PPP2R2B: variants seen among roughly 807,000 people sequenced by gnomAD.
PPP2R2B encodes serine/threonine-protein phosphatase 2A 55 kDa regulatory subunit B beta isoform.
Under a neutral mutation model 46.0 loss-of-function variants are expected in PPP2R2B, and 5 were observed. The observed-to-expected ratio is 0.11, with a 90% CI of 0.06 to 0.23. The LOEUF (loss-of-function observed/expected upper bound fraction) is 0.23. Among genes scored for constraint, PPP2R2B ranks in the 10% least tolerant of loss-of-function variants. The pLI is 1.00. For missense variants in PPP2R2B, 367 were observed against 575.0 expected (o/e 0.64, Z 3.70); for synonymous variants, 215 against 206.7 (o/e 1.04, Z -0.34).
At chr5:146,770,313 A>T (rs1403141046) in intron 2 of PPP2R2B, among the ~76,000 whole-genome samples, 1 of 138,886 alleles carries the variant, frequency 7.2e-6, no homozygotes, top group African/African-American at 2.6e-5. Flanking sequence ...AGTGGGTGAC[A>T]GAGTGAGATT....
chr5:146,828,877 A>G (rs1270360204), intron 2 of PPP2R2B, among the ~76,000 whole-genome samples: 1 of 152,226 alleles, frequency 6.6e-6, no homozygotes, highest in African/African-American at 2.4e-5. Flanking sequence ...ACCATTATTT[A>G]GTAAAATGAT....
intron 1 of PPP2R2B, among the ~76,000 whole-genome samples, chr5:146,991,680 A>C (rs1753704959): frequency 1.7e-5 from 2 of 116,240 alleles, no homozygotes; most frequent in Admixed American, 1.7e-4. Flanking sequence ...TGAAACATCA[A>C]CTTGTACTCC....
intron 8 of PPP2R2B, among the ~76,000 whole-genome samples, chr5:146,595,281 A>G (rs542567084): frequency 5.3e-5 from 8 of 152,152 alleles, no homozygotes; most frequent in South Asian, 4.2e-4. Flanking sequence ...TAACTCATTC[A>G]CCTTCACTAG....
intron 1 of PPP2R2B, among the ~76,000 whole-genome samples, chr5:146,894,330 T>C (rs754331067): frequency 6.6e-6 from 1 of 152,208 alleles, no homozygotes; most frequent in Non-Finnish European, 1.5e-5. Flanking sequence ...ACTCTCTGCT[T>C]TTCACCTATA....
At chr5:146,879,749 A>C (rs1762102245), upstream of PPP2R2B, among the ~76,000 whole-genome samples, 1 of 152,252 alleles carries the variant, frequency 6.6e-6, no homozygotes, top group African/African-American at 2.4e-5. Flanking sequence ...AAAAACATTT[A>C]ATGAAGCAAC....
chr5:146,904,739 C>T (rs1316071916), intron 1 of PPP2R2B, among the ~76,000 whole-genome samples: 1 of 152,120 alleles, frequency 6.6e-6, no homozygotes, highest in Non-Finnish European at 1.5e-5. Context: ...GTTAAGAACA[C>T]AGTGATGAAC....
In PPP2R2B at chr5:146,715,982, C is replaced by T. The variant is rs573819754; in HGVS notation, c.71-14840G>A. The stretch of plus-strand genomic sequence containing the variant: ...ACTCTCAAAGCAAATACAATCTTTG[C>T]TGACCAACTGTTCATGCCATTTCAT... On this transcript the variant is annotated intron_variant, in intron 2 of 9. Coordinates refer to ENST00000394411, the MANE Select transcript of PPP2R2B (RefSeq NM_181675.4). 2.8e-4 allele frequency among the ~76,000 whole-genome samples: 42 copies of T among 152,276 alleles called. 1 individual carries two copies. In the South Asian group the frequency reaches 8.7e-3, roughly 32 times the overall value.
Position 146,701,115 on chromosome 5 carries a change from T to C in PPP2R2B, c.98A>G (p.Asn33Ser), listed in dbSNP as rs779750231. The C allele has an allele frequency of 1.2e-6, 2 of 1,613,958 alleles. No homozygotes were observed. Among genetic ancestry groups the C allele is most frequent in the South Asian group, 1.1e-5 (1 of 91,066 alleles). Reference protein sequence around the residue: ...EADIISTVEFNHTGELLATGD... With the variant: ...EADIISTVEFSHTGELLATGD... Reference sequence around the variant, plus strand: ...TGTCGCTAGTAATTCTCCCGTGTGGTTGAATTCTACCGTAGAGATAATGTC... The same window carrying C: ...TGTCGCTAGTAATTCTCCCGTGTGGCTGAATTCTACCGTAGAGATAATGTC... The change falls in exon 3 of 10, where the codon AAC becomes AGC. Residue 33 changes from asparagine to serine, a missense_variant. Physicochemically the swap from Asn to Ser is conservative, Grantham distance 46 (BLOSUM62 1). This residue lies in a region of PPP2R2B where 361 missense variants were observed against 545.5 expected (regional missense o/e 0.66). Coordinates refer to ENST00000394411, the MANE Select transcript of PPP2R2B (RefSeq NM_181675.4).
At chr5:146,647,460 G>A (rs575000004) in intron 6 of PPP2R2B, among the ~76,000 whole-genome samples, 92 of 152,256 alleles carry the variant, frequency 6.0e-4, no homozygotes, top group African/African-American at 2.0e-3. Context: ...AGGGCGGTCT[G>A]GTTGAAAAGA....
chr5:146,861,635 T>A (rs1024327714), intron 2 of PPP2R2B, among the ~76,000 whole-genome samples: 6 of 152,224 alleles, frequency 3.9e-5, no homozygotes, highest in African/African-American at 1.4e-4. Flanking sequence ...ATATAAACAA[T>A]GTATATATTT....
rs367798804 is a variant in PPP2R2B, at chr5:146,688,969, T to C, written c.447+2159A>G. 6.0e-4 allele frequency among the ~76,000 whole-genome samples: 91 copies of C among 152,266 alleles called. No individual in the cohort carries two copies. In the South Asian group the frequency reaches 0.018, roughly 30 times the overall value. ...AAAAGACAGTCTTATTCCCAATATATTGCCAGTACGGTGTTTGCCACTTAG... is the reference window on the plus strand; with the variant it reads ...AAAAGACAGTCTTATTCCCAATATACTGCCAGTACGGTGTTTGCCACTTAG... On this transcript the variant is annotated intron_variant, in intron 5 of 9. Coordinates refer to ENST00000394411, the MANE Select transcript of PPP2R2B (RefSeq NM_181675.4).
At chr5:146,642,679 G>A (rs557255641) in intron 6 of PPP2R2B, among the ~76,000 whole-genome samples, 3 of 152,260 alleles carry the variant, frequency 2.0e-5, no homozygotes, top group South Asian at 4.2e-4. Context: ...CTATCAGGGT[G>A]GGTTTACGAA....
upstream of PPP2R2B, chr5:147,056,074 T>C: frequency 4.5e-6 from 5 of 1,114,936 alleles, no homozygotes; most frequent in Non-Finnish European, 5.5e-6. Context: ...ATGCTCTGCC[T>C]GAAACCTCTA....
chr5:146,837,889 G>C (rs1561947030), intron 2 of PPP2R2B, among the ~76,000 whole-genome samples: 1 of 152,132 alleles, frequency 6.6e-6, no homozygotes. Context: ...GAGAAGAATG[G>C]TATCAGAGAA....
intron 2 of PPP2R2B, among the ~76,000 whole-genome samples, chr5:146,845,030 C>T (rs769344986): frequency 5.7e-4 from 87 of 152,160 alleles, no homozygotes; most frequent in Non-Finnish European, 1.2e-3. Context: ...TCATCTCACA[C>T]CACTTTCTCC....
chr5:146,736,871 A>T (rs1176735609), intron 2 of PPP2R2B, among the ~76,000 whole-genome samples: 2 of 152,198 alleles, frequency 1.3e-5, no homozygotes, highest in African/African-American at 4.8e-5. Flanking sequence ...AACCTATAAC[A>T]TACATTTACT....
chr5:146,635,735 A>G (rs1045979323), intron 7 of PPP2R2B, among the ~76,000 whole-genome samples: 1 of 152,208 alleles, frequency 6.6e-6, no homozygotes, highest in African/African-American at 2.4e-5. Flanking sequence ...GGAGAGAGTT[A>G]GAGACTTTCC....
At chr5:147,063,009 G>C (rs1757309850) in intron 2 of PPP2R2B, among the ~76,000 whole-genome samples, 1 of 119,488 alleles carries the variant, frequency 8.4e-6, no homozygotes, top group Non-Finnish European at 1.8e-5. Flanking sequence ...GGGGGAAGAA[G>C]GGAAGGGGGA....
chr5:146,613,878 A>G lies in PPP2R2B; in HGVS notation c.791-13418T>C, dbSNP rs1256913028. 1.1e-4 allele frequency among the ~76,000 whole-genome samples: 15 copies of G among 139,366 alleles called. 1 individual carries two copies. The highest frequency in any genetic ancestry group is 7.4e-3 in the Middle Eastern group (2 of 272). The allele number at this position is 139,366 out of a possible 152,430, so 91.4% of individuals were successfully genotyped here. On this transcript the variant is annotated intron_variant, in intron 7 of 9. Transcript: ENST00000394411. ...ACACAAACAAATGGAAGAACATTCCATGCTCATGGGTAGGAAGAATCGATA... is the reference window on the plus strand; with the variant it reads ...ACACAAACAAATGGAAGAACATTCCGTGCTCATGGGTAGGAAGAATCGATA...
Sources: allele counts gnomAD v4.1 joint callset (sites outside exome capture counted in the v4.1 genomes callset), GRCh38; gene constraint gnomAD v4.1.1; regional missense constraint gnomAD v4.1.1; transcripts MANE v1.5; gene names NCBI Gene and HGNC (gene_info 2026-07-23, HGNC 2026-07-21).